The following NLGN1 variants were observed in gnomAD, a reference collection of about 807,000 sequenced individuals.
NLGN1 encodes the protein neuroligin-1.
A neutral mutation model predicts 65.5 loss-of-function variants in NLGN1; 12 were observed. The observed-to-expected ratio is 0.18, with a 90% CI of 0.12 to 0.30. The LOEUF (loss-of-function observed/expected upper bound fraction) is 0.30, where lower values mean the gene tolerates loss of function less well. Among genes scored for constraint, NLGN1 ranks in the 10% least tolerant of loss-of-function variants. The pLI is 1.00. For synonymous variants in NLGN1, 350 were observed against 359.5 expected (o/e 0.97, Z 0.30); for missense variants, 750 against 1,007.1 (o/e 0.74, Z 3.46).
At chr3:174,187,140 T>C (rs897713215) in intron 4 of NLGN1, among the ~76,000 whole-genome samples, 3 of 152,008 alleles carry the variant, frequency 2.0e-5, no homozygotes, top group Non-Finnish European at 2.9e-5. Flanking sequence ...ATTTTTTATT[T>C]ATTCATTTTT....
intron 4 of NLGN1, among the ~76,000 whole-genome samples, chr3:173,992,522 T>C (rs894162782): frequency 6.6e-5 from 10 of 152,190 alleles, no homozygotes; most frequent in Non-Finnish European, 7.3e-5. Context: ...ACTACATATT[T>C]ATGTTGTAAC....
At chr3:174,076,262 GAA>G (rs926903161) in intron 4 of NLGN1, among the ~76,000 whole-genome samples, 2 of 151,902 alleles carry the variant, frequency 1.3e-5, no homozygotes, top group African/African-American at 4.8e-5. Context: ...ATGTATATAT[GAA>G]AAGAAATGCT....
chr3:173,920,969 C>T (rs1425035120), intron 4 of NLGN1, among the ~76,000 whole-genome samples: 5 of 151,722 alleles, frequency 3.3e-5, no homozygotes, highest in South Asian at 2.1e-4. Flanking sequence ...ATATAAACAA[C>T]GAATTGGAAT....
At chr3:173,793,093 CA>C (rs1713173519) in intron 3 of NLGN1, among the ~76,000 whole-genome samples, 1 of 152,098 alleles carries the variant, frequency 6.6e-6, no homozygotes, top group African/African-American at 2.4e-5. Flanking sequence ...TGTTAATTTA[CA>C]ATGATTAAAT....
chr3:173,542,443 A>T (rs1040117047), intron 2 of NLGN1, among the ~76,000 whole-genome samples: 1 of 152,030 alleles, frequency 6.6e-6, no homozygotes, highest in African/African-American at 2.4e-5. Context: ...TTCACTAATC[A>T]TTGCTCACCT....
intron 4 of NLGN1, among the ~76,000 whole-genome samples, chr3:174,252,813 G>C (rs577736685): frequency 6.6e-6 from 1 of 152,230 alleles, no homozygotes; most frequent in South Asian, 2.1e-4. Flanking sequence ...TCAGTACATA[G>C]GCTCCAAAGC....
chr3:173,788,572 A>G (rs1403083609), intron 3 of NLGN1, among the ~76,000 whole-genome samples: 1 of 152,042 alleles, frequency 6.6e-6, no homozygotes, highest in Admixed American at 6.6e-5. Context: ...CCAATTAACT[A>G]ATGAAAAAAA....
rs191523468 is a variant in NLGN1 at position 173,634,919 on chromosome 3, C to T, written c.493+29828C>T. ...GATGGCAATAGGACCTCTAAGTAGGCGTGTAACAGACAAGGGGAGAGCGCC... is the reference window on the plus strand; with the variant it reads ...GATGGCAATAGGACCTCTAAGTAGGTGTGTAACAGACAAGGGGAGAGCGCC... On this transcript the variant is annotated intron_variant, in intron 3 of 6. Coordinates refer to ENST00000457714, the Ensembl canonical transcript of NLGN1. 5.6e-4 allele frequency among the ~76,000 whole-genome samples: 85 copies of T among 152,078 alleles called. 1 individual carries two copies. The East Asian group carries it at 0.014, about 26-fold the overall frequency.
intron 4 of NLGN1, among the ~76,000 whole-genome samples, chr3:174,059,231 T>A (rs918209525): frequency 7.2e-5 from 11 of 152,122 alleles, no homozygotes; most frequent in Non-Finnish European, 1.3e-4. Context: ...CTTCCTGGGC[T>A]AGCCTAGCTA....
chr3:173,940,960 T>C (rs1011567531), intron 4 of NLGN1, among the ~76,000 whole-genome samples: 3 of 152,224 alleles, frequency 2.0e-5, no homozygotes, highest in Non-Finnish European at 4.4e-5. Flanking sequence ...ACTTCATGAT[T>C]CTTACCCCAT....
At chr3:173,414,276 T>C (rs1276205290) in intron 1 of NLGN1, among the ~76,000 whole-genome samples, 1 of 152,150 alleles carries the variant, frequency 6.6e-6, no homozygotes, top group Non-Finnish European at 1.5e-5. Flanking sequence ...AGATATGTTA[T>C]ATAGTACTCT....
intron 3 of NLGN1, among the ~76,000 whole-genome samples, chr3:173,785,657 C>A (rs1359053386): frequency 6.6e-6 from 1 of 151,142 alleles, no homozygotes; most frequent in Non-Finnish European, 1.5e-5. Context: ...GAGGTATATA[C>A]ATATGCATAG....
chr3:173,898,977 G>A (rs1407184990), intron 4 of NLGN1, among the ~76,000 whole-genome samples: 1 of 152,108 alleles, frequency 6.6e-6, no homozygotes, highest in Non-Finnish European at 1.5e-5. Flanking sequence ...GGGGTAAGGA[G>A]TTAGAGTTCT....
chr3:174,219,919 ACAGAAGAGCAGC>A (rs1206954331), intron 4 of NLGN1, among the ~76,000 whole-genome samples: 1 of 152,144 alleles, frequency 6.6e-6, no homozygotes, highest in Admixed American at 6.5e-5. Flanking sequence ...CAGCATTAGT[ACAGAAGAGCAGC>A]CAGCAGGTGT....
chr3:174,061,877 T>G (rs1024842502), intron 4 of NLGN1, among the ~76,000 whole-genome samples: 1 of 152,132 alleles, frequency 6.6e-6, no homozygotes, highest in Non-Finnish European at 1.5e-5. Flanking sequence ...AGCAGTTGAT[T>G]GCATGTCTCA....
At chr3:173,396,350 A>G (rs997499823), upstream of NLGN1, 1 of 152,180 alleles carries the variant, frequency 6.6e-6, no homozygotes, top group Non-Finnish European at 1.5e-5. Context: ...TGGCTTGCCA[A>G]GTTTTGCTCT....
intron 4 of NLGN1, among the ~76,000 whole-genome samples, chr3:174,088,486 G>C (rs1010291579): frequency 5.3e-5 from 8 of 152,102 alleles, no homozygotes; most frequent in African/African-American, 1.9e-4. Context: ...GCTGGGCACG[G>C]TGACTCACGC....
intron 2 of NLGN1, among the ~76,000 whole-genome samples, chr3:173,491,765 A>G (rs1460674661): frequency 6.6e-6 from 1 of 151,744 alleles, no homozygotes; most frequent in East Asian, 1.9e-4. Flanking sequence ...TGATACGTCA[A>G]AATCTCCTAA....
At chr3:173,762,738 C>T (rs889179206) in intron 3 of NLGN1, among the ~76,000 whole-genome samples, 1 of 151,962 alleles carries the variant, frequency 6.6e-6, no homozygotes, top group Non-Finnish European at 1.5e-5. Flanking sequence ...GTAACTTAGA[C>T]ATGGAAAGTG....
Sources: allele counts gnomAD v4.1 joint callset (sites outside exome capture counted in the v4.1 genomes callset), GRCh38; gene constraint gnomAD v4.1.1; transcripts MANE v1.5; gene names NCBI Gene and HGNC (gene_info 2026-07-23, HGNC 2026-07-21).